Variants in LPCAT1 observed in about 807,000 individuals in gnomAD.
LPCAT1 encodes the protein 1-acylglycerol-3-phosphate O-acyltransferase.
LPCAT1 carries 23 observed loss-of-function variants against 60.9 expected under a neutral mutation model. The ratio of observed to expected loss-of-function variants is 0.38; its 90% CI spans 0.27 to 0.53. The LOEUF is 0.53. Among genes scored for constraint, LPCAT1 ranks in the 20% least tolerant of loss-of-function variants. LPCAT1 has a pLI of 0.82. For missense variants in LPCAT1, 622 were observed against 723.6 expected (o/e 0.86, Z 1.61); for synonymous variants, 340 against 301.1 (o/e 1.13, Z -1.34).
At chr5:1,492,288 T>C (rs532459455) in intron 3 of LPCAT1, among the ~76,000 whole-genome samples, 2 of 149,448 alleles carry the variant, frequency 1.3e-5, no homozygotes, top group African/African-American at 2.5e-5. Flanking sequence ...CCTGGGGAGA[T>C]GTCTCTGAGC....
intron 1 of LPCAT1, among the ~76,000 whole-genome samples, chr5:1,506,913 C>T (rs1736203796): frequency 6.6e-6 from 1 of 152,196 alleles, no homozygotes; most frequent in Non-Finnish European, 1.5e-5. Context: ...AAGCAAGGCC[C>T]AGCACCCTGG....
At chr5:1,466,114 C>A (rs543143143) in intron 13 of LPCAT1, among the ~76,000 whole-genome samples, 106 of 152,368 alleles carry the variant, frequency 7.0e-4, no homozygotes, top group African/African-American at 2.5e-3. Context: ...CTGGGAGCCT[C>A]GGGTGGATGC....
chr5:1,470,039 G>A (rs185597172), intron 12 of LPCAT1, among the ~76,000 whole-genome samples: 38 of 152,394 alleles, frequency 2.5e-4, no homozygotes, highest in African/African-American at 8.4e-4. Flanking sequence ...GGGTGTGCTG[G>A]CATCAGAAGC....
intron 13 of LPCAT1, among the ~76,000 whole-genome samples, chr5:1,464,971 C>A (rs931330047): frequency 3.3e-5 from 5 of 151,188 alleles, no homozygotes. Context: ...CACATGCACG[C>A]ACACATACAA....
rs754339486 is a variant in LPCAT1 at position 1,464,801 on chromosome 5, AAAC to A, written c.1421-969_1421-967del. On this transcript the variant is annotated intron_variant, in intron 13 of 13. Transcript: ENST00000283415. ...AAACACACGTGCGCGCACACACACA[AAAC>A]AAGCACACACACGGTAATCACACAT... Among the ~76,000 whole-genome samples, 123 of 147,488 alleles carry A rather than the reference AAAC, an allele frequency of 8.3e-4. 4 individuals carry two copies. The East Asian group carries it at 0.015, about 18-fold the overall frequency.
chr5:1,476,066 C>T lies in LPCAT1; in HGVS notation c.899+1338G>A, dbSNP rs993810413. 2.0e-5 allele frequency among the ~76,000 whole-genome samples: 3 copies of T among 152,208 alleles called. No homozygotes were observed. The highest frequency in any genetic ancestry group is 4.4e-5 in the Non-Finnish European group (3 of 68,038). On this transcript the variant is annotated intron_variant, in intron 9 of 13. Coordinates refer to ENST00000283415, the MANE Select transcript of LPCAT1 (RefSeq NM_024830.5). This position sits in a 1 kb window ranked among gnomAD's most constrained non-coding sequence, Gnocchi z 8.6. Reference sequence around the variant, plus strand: ...ACTACAATGGAAATGGCAGCACTCTCGTACCCTAAAAAAAGTACAAGTTCC... The same window carrying T: ...ACTACAATGGAAATGGCAGCACTCTTGTACCCTAAAAAAAGTACAAGTTCC...
rs1472356654 is a variant in LPCAT1, at chr5:1,477,650, C to A, written c.817-164G>T. Among the ~76,000 whole-genome samples, 2 of 152,054 alleles carry A rather than the reference C, an allele frequency of 1.3e-5. No homozygotes were observed. Among genetic ancestry groups the A allele is most frequent in the Admixed American group, 6.5e-5 (1 of 15,288 alleles). On this transcript the variant is annotated intron_variant, in intron 8 of 13. Coordinates refer to ENST00000283415, the MANE Select transcript of LPCAT1 (RefSeq NM_024830.5). This position sits in a 1 kb window ranked among gnomAD's most constrained non-coding sequence, Gnocchi z 6.0. ...CACGTGTGTGTACGCACACACACAC[C>A]CCCATGATGCATGAACTGCACACGT...
Position 1,495,333 on chromosome 5 carries a change from G to C in LPCAT1, c.279-419C>G, listed in dbSNP as rs55720759. On this transcript the variant is annotated intron_variant, in intron 2 of 13. Coordinates refer to ENST00000283415, the MANE Select transcript of LPCAT1 (RefSeq NM_024830.5). This position sits in a 1 kb window ranked among gnomAD's most constrained non-coding sequence, Gnocchi z 4.7. ...ACCTAAAACGCATATCGCAATATGGGGGGGGGGGCGCTCAGAGCTGAGGGC... is the reference window on the plus strand; with the variant it reads ...ACCTAAAACGCATATCGCAATATGGCGGGGGGGGCGCTCAGAGCTGAGGGC... Among the ~76,000 whole-genome samples the C allele has an allele frequency of 1.4e-4, 17 of 119,536 alleles. No individual in the cohort carries two copies. The highest frequency in any genetic ancestry group is 2.9e-4 in the South Asian group (1 of 3,452). 78.4% of individuals were successfully genotyped at this position (119,536 alleles called of 152,430 possible). A position where few individuals can be genotyped will look rare whatever the true frequency, so the allele number is the denominator to read the frequency against.
At chr5:1,499,051 G>A (rs557938399) in intron 2 of LPCAT1, among the ~76,000 whole-genome samples, 5 of 152,284 alleles carry the variant, frequency 3.3e-5, no homozygotes, top group Admixed American at 1.3e-4. Flanking sequence ...TCACTGTCAC[G>A]GGACACTTCA....
At position 1,522,167 on chromosome 5, in the gene LPCAT1, C is replaced by T. The variant is rs1158566264; in HGVS notation, c.135+1543G>A. 6.6e-6 allele frequency among the ~76,000 whole-genome samples: 1 copy of T among 152,108 alleles called. No individual in the cohort carries two copies. Among genetic ancestry groups the T allele is most frequent in the Non-Finnish European group, 1.5e-5 (1 of 68,016 alleles). Reference sequence around the variant, plus strand: ...CAGGGGTTCGAATTTCATCCGGGGGCGTCCCCGCTGAGGGCTTCCGAGCAG... The same window carrying T: ...CAGGGGTTCGAATTTCATCCGGGGGTGTCCCCGCTGAGGGCTTCCGAGCAG... On this transcript the variant is annotated intron_variant, in intron 1 of 13. Coordinates refer to ENST00000283415, the MANE Select transcript of LPCAT1 (RefSeq NM_024830.5). This position sits in a 1 kb window ranked among gnomAD's most constrained non-coding sequence, Gnocchi z 6.8.
chr5:1,472,937 C>G (rs1213402862), intron 11 of LPCAT1, among the ~76,000 whole-genome samples: 2 of 152,166 alleles, frequency 1.3e-5, no homozygotes, highest in African/African-American at 4.8e-5. Flanking sequence ...TTGGTTCACA[C>G]TCTGCATACT....
intron 1 of LPCAT1, among the ~76,000 whole-genome samples, chr5:1,509,407 C>T (rs1445286276): frequency 2.6e-5 from 4 of 152,242 alleles, no homozygotes; most frequent in African/African-American, 7.2e-5. Flanking sequence ...GGTGAGAGGG[C>T]GAGCGGCAGC....
At chr5:1,518,631 C>T (rs1352279911) in intron 1 of LPCAT1, among the ~76,000 whole-genome samples, 2 of 152,230 alleles carry the variant, frequency 1.3e-5, no homozygotes, top group African/African-American at 2.4e-5. Flanking sequence ...TGAGCCGTTG[C>T]GCCCGGCCCA....
At chr5:1,497,986 T>C (rs978627795) in intron 2 of LPCAT1, among the ~76,000 whole-genome samples, 3 of 152,248 alleles carry the variant, frequency 2.0e-5, no homozygotes, top group Admixed American at 6.5e-5. Context: ...CAACACTGTG[T>C]GTGTTGAAAG....
chr5:1,515,426 C>G (rs1013634697), intron 1 of LPCAT1, among the ~76,000 whole-genome samples: 2 of 151,268 alleles, frequency 1.3e-5, no homozygotes, highest in Non-Finnish European at 3.0e-5. Flanking sequence ...CTGCGCCACA[C>G]TACCCGCAAA....
rs917654738 is a variant in LPCAT1, at chr5:1,463,147, C to T, written c.*504G>A. 6.5e-6 allele frequency: 1 copy of T among 154,176 alleles called. No homozygotes were observed. Among genetic ancestry groups the T allele is most frequent in the African/African-American group, 2.4e-5 (1 of 41,532 alleles). The allele number at this position is 154,176 out of a possible 1,614,324, so 9.6% of individuals were successfully genotyped here. A position where few individuals can be genotyped will look rare whatever the true frequency, so the allele number is the denominator to read the frequency against. Reference sequence around the variant, plus strand: ...GGAGTTTATAAAATACTCATGAGCTCCAGCACACAGGTAGAAACACTGAAA... The same window carrying T: ...GGAGTTTATAAAATACTCATGAGCTTCAGCACACAGGTAGAAACACTGAAA... On this transcript the variant is annotated 3_prime_UTR_variant, in exon 14 of 14. Transcript: ENST00000283415.
intron 1 of LPCAT1, among the ~76,000 whole-genome samples, chr5:1,504,934 T>TA (rs1199504785): frequency 6.6e-6 from 1 of 152,194 alleles, no homozygotes; most frequent in African/African-American, 2.4e-5. Flanking sequence ...CCAACTCTGC[T>TA]ACAACACTGC....
chr5:1,465,408 TAAC>T (rs1324824011), intron 13 of LPCAT1, among the ~76,000 whole-genome samples: 2 of 138,360 alleles, frequency 1.4e-5, no homozygotes, highest in Admixed American at 7.4e-5. Context: ...GCACACATGG[TAAC>T]TACACACATG....
intron 1 of LPCAT1, among the ~76,000 whole-genome samples, chr5:1,518,562 G>C (rs1049675759): frequency 3.3e-5 from 5 of 152,308 alleles, no homozygotes; most frequent in East Asian, 3.9e-4. Context: ...GGATGGTCTC[G>C]ATCTCCCGAC....
Sources: allele counts gnomAD v4.1 joint callset (sites outside exome capture counted in the v4.1 genomes callset), GRCh38; gene constraint gnomAD v4.1.1; non-coding constraint Gnocchi (gnomAD v3.1); transcripts MANE v1.5; gene names NCBI Gene and HGNC (gene_info 2026-07-23, HGNC 2026-07-21).